Variants in WDR18 observed in about 807,000 individuals in gnomAD.
WDR18 encodes WD repeat-containing protein 18.
WDR18 carries 33 observed loss-of-function variants against 49.6 expected under a neutral mutation model. That is an observed-to-expected ratio of 0.67 (90% CI 0.50 to 0.89). WDR18 has a LOEUF of 0.89. Among genes scored for constraint, WDR18 ranks in the 40% least tolerant of loss-of-function variants. The pLI is 0.00. For missense variants in WDR18, 653 were observed against 593.6 expected, an observed-to-expected ratio of 1.10 and a Z score of -1.04; for synonymous variants, 315 against 263.6, an observed-to-expected ratio of 1.19 and a Z score of -1.89.
chr19:988,596 C>T (rs975412161), intron 2 of WDR18, among the ~76,000 whole-genome samples: 1 of 152,226 alleles, frequency 6.6e-6, no homozygotes, highest in South Asian at 2.1e-4. Context: ...CAAAGCACGA[C>T]GCACAGGGAC....
intron 9 of WDR18, 23 bp from the exon 10 acceptor site, chr19:994,190 T>C: frequency 6.3e-7 from 1 of 1,585,282 alleles, no homozygotes. Context: ...ACTTCTGCCC[T>C]CTGACCCCGA....
Position 989,871 on chromosome 19 carries a change from T to G in WDR18, c.431T>G (p.Leu144Arg). ...TTCATCTCAGGGGGCAAGGACTGCC[T>G]GGTGCTGGTTTGGAGCCTCTGCAGG... Reference protein sequence around the residue: ...SHFISGGKDCLVLVWSLCSVL... With the variant: ...SHFISGGKDCRVLVWSLCSVL... Residue 144 changes from leucine (L) to arginine (R), a missense_variant, in exon 3 of 10, where the codon CTG becomes CGG. Leu to Arg is a moderately radical substitution (Grantham distance 102). Coordinates refer to ENST00000585809, the MANE Select transcript of WDR18 (RefSeq NM_024100.4). 1 of 1,611,504 alleles carries G rather than the reference T, an allele frequency of 6.2e-7. No homozygotes were observed. The highest frequency in any genetic ancestry group is 8.5e-7 in the Non-Finnish European group (1 of 1,179,186).
chr19:989,930 C>T, intron 3 of WDR18, 35 bp downstream of exon 3: 1 of 1,563,718 alleles, frequency 6.4e-7, no homozygotes, highest in Non-Finnish European at 8.6e-7. Flanking sequence ...GCACCTGGAA[C>T]TGCACCCGGG....
At chr19:984,723 T>G (rs1435251338) in intron 1 of WDR18, among the ~76,000 whole-genome samples, 160 bp downstream of exon 1, 4 of 137,034 alleles carry the variant, frequency 2.9e-5, no homozygotes, top group Non-Finnish European at 6.1e-5. Flanking sequence ...CTGGGGGCTT[T>G]GGGGAGATAC....
In WDR18 at chr19:992,171, C is replaced by T. The variant is rs562510648; in HGVS notation, c.1098+50C>T. 6 of 1,398,304 alleles carry T rather than the reference C, an allele frequency of 4.3e-6. No individual in the cohort carries two copies. In the African/African-American group the frequency reaches 4.6e-5, roughly 11 times the overall value. 86.6% of individuals were successfully genotyped at this position (1,398,304 alleles called of 1,614,324 possible). A position where few individuals can be genotyped will look rare whatever the true frequency, so the allele number is the denominator to read the frequency against. On this transcript the variant is annotated intron_variant, in intron 8 of 9. Transcript: ENST00000585809. ...CACTGCCCTTTTGTCCCGGAAGACC[C>T]CGCGGGCCCTGGGCTCCTTCGCTCC... is the stretch of plus-strand genomic sequence containing the variant.
At chr19:994,114 G>T in intron 9 of WDR18, 26 bp downstream of exon 9, 1 of 1,550,530 alleles carries the variant, frequency 6.4e-7, no homozygotes. Context: ...GGAGGGGCGG[G>T]GCCTGAGGCT....
At chr19:989,547 A>C (rs1396074841) in intron 2 of WDR18, among the ~76,000 whole-genome samples, 2 of 152,098 alleles carry the variant, frequency 1.3e-5, no homozygotes, top group African/African-American at 2.4e-5. Context: ...CGAGGCGGGA[A>C]CAGGTGCCCA....
intron 8 of WDR18, among the ~76,000 whole-genome samples, chr19:992,680 G>A (rs537516296): frequency 1.6e-4 from 25 of 152,312 alleles, no homozygotes; most frequent in Non-Finnish European, 2.8e-4. Context: ...GTGACTTCCG[G>A]AACACTTCCC....
rs942430341 is a variant in WDR18 at position 992,299 on chromosome 19, A to C, written c.1098+178A>C. ...CTCGGTGGGGCCTCTGCCCACTCTCAGTATGGACCCAGAGGCTCTGAGAAG... is the reference window on the plus strand; with the variant it reads ...CTCGGTGGGGCCTCTGCCCACTCTCCGTATGGACCCAGAGGCTCTGAGAAG... On this transcript the variant is annotated intron_variant, in intron 8 of 9. Coordinates refer to ENST00000585809, the MANE Select transcript of WDR18 (RefSeq NM_024100.4). Among the ~76,000 whole-genome samples, 8 of 152,174 alleles carry C rather than the reference A, an allele frequency of 5.3e-5. No individual in the cohort carries two copies. In the East Asian group the frequency reaches 1.3e-3, roughly 26 times the overall value.
At chr19:990,096 T>C in intron 3 of WDR18, 127 bp from the exon 4 acceptor site, 1 of 1,390,836 alleles carries the variant, frequency 7.2e-7, no homozygotes, top group Non-Finnish European at 9.5e-7. Context: ...AGCCTTGAGT[T>C]TACTCAGGTG....
In WDR18 at chr19:990,998, G is replaced by A. The variant is rs1361047741; in HGVS notation, c.741+3G>A. On this transcript the variant is annotated splice_donor_region_variant and intron_variant, in intron 5 of 9. Transcript: ENST00000585809. ...TCCAGGTCGACCTCTTCACCTGGGT[G>A]AGTGCCGCGGTCTGCGGGCTGCACC... 1.2e-6 allele frequency: 2 copies of A among 1,605,868 alleles called. No homozygotes were observed. The highest frequency in any genetic ancestry group is 2.2e-5 in the South Asian group (2 of 90,042).
At chr19:984,673 G>C (rs983291676) in intron 1 of WDR18, 110 bp downstream of exon 1, 11 of 1,163,526 alleles carry the variant, frequency 9.5e-6, no homozygotes, top group South Asian at 3.7e-5. Context: ...CGTGGGGAGG[G>C]GAGGTGGTCT....
intron 2 of WDR18, 62 bp downstream of exon 2, chr19:986,037 G>A: frequency 6.6e-7 from 1 of 1,525,370 alleles, no homozygotes; most frequent in Non-Finnish European, 9.1e-7. Flanking sequence ...AGCTTTGCCT[G>A]CAGGGCACCA....
rs1377576423 is a variant in WDR18 at position 991,969 on chromosome 19, G to GC, written c.948dup (p.Ala317ArgfsTer182). The GC allele has an allele frequency of 5.0e-6, 8 of 1,590,934 alleles. No homozygotes were observed. Among genetic ancestry groups the GC allele is most frequent in the Non-Finnish European group, 8.5e-7 (1 of 1,174,046 alleles). On this transcript the variant is annotated frameshift_variant, in exon 8 of 10. Transcript: ENST00000585809. LOFTEE classifies it high-confidence loss of function. ...GCGCCCCCCAGGCCCAGTCACCAAT[G>GC]CCGCCATCCTGCTGGCGCCCGTCAG...
rs1263403341 is a variant in WDR18 at position 991,124 on chromosome 19, G to A, written c.785G>A (p.Gly262Glu). The A allele has an allele frequency of 3.2e-6, 5 of 1,582,392 alleles. No individual in the cohort carries two copies. Among genetic ancestry groups the A allele is most frequent in the African/African-American group, 1.3e-5 (1 of 74,160 alleles). Residue 262 changes from glycine (G) to glutamate (E), a missense_variant, in exon 6 of 10, where the codon GGG becomes GAG. By Grantham distance (98) the Gly-to-Glu change is moderately conservative. Coordinates refer to ENST00000585809, the MANE Select transcript of WDR18 (RefSeq NM_024100.4). ...ERSFHPEQDA[G>E]KVFKGHRNQV... Reference sequence around the variant, plus strand: ...AGCTTCCACCCAGAGCAGGACGCCGGGAAGGTCTTCAAAGGGCACAGGTGG... The same window carrying A: ...AGCTTCCACCCAGAGCAGGACGCCGAGAAGGTCTTCAAAGGGCACAGGTGG...
In WDR18 at chr19:994,370, C is replaced by T. The variant is rs1270784268; in HGVS notation, c.*26C>T. 5 of 1,590,150 alleles carry T rather than the reference C, an allele frequency of 3.1e-6. No homozygotes were observed. In the Admixed American group the frequency reaches 5.2e-5, roughly 17 times the overall value. On this transcript the variant is annotated 3_prime_UTR_variant, in exon 10 of 10. Coordinates refer to ENST00000585809, the MANE Select transcript of WDR18 (RefSeq NM_024100.4). ...GGCCCGGAGACCCCGGCCCGAGGCG[C>T]CCAGGCCTGAGCCCCATGCCTCCCA...
intron 2 of WDR18, among the ~76,000 whole-genome samples, chr19:987,829 G>GTTTTTTTGTTTTTTTTTT (rs2038490628): frequency 1.1e-5 from 1 of 91,822 alleles, no homozygotes; most frequent in African/African-American, 5.3e-5. Flanking sequence ...GCCGCCTCCA[G>GTTTTTTTGTTTTTTTTTT]TTTTTTTTTT....
upstream of WDR18, among the ~76,000 whole-genome samples, chr19:983,564 T>C (rs1442971543): frequency 6.7e-6 from 1 of 149,742 alleles, no homozygotes; most frequent in East Asian, 2.0e-4. Context: ...GCCCGGCCTT[T>C]TTTTTTTTTT....
chr19:991,361 C>T lies in WDR18; in HGVS notation c.931+10C>T, dbSNP rs190264646. 6 of 1,545,804 alleles carry T rather than the reference C, an allele frequency of 3.9e-6. No individual in the cohort carries two copies. The highest frequency in any genetic ancestry group is 4.9e-5 in the East Asian group (2 of 40,840). On this transcript the variant is annotated intron_variant, in intron 7 of 9. Transcript: ENST00000585809. ...ACGGTGGCCCTCAAAGGTGGGCGCG[C>T]CTCTGCTCGGCCCGCGGCCAGCGCG...
Sources: gnomAD v4.1 joint callset for allele counts (sites outside exome capture counted in the v4.1 genomes callset) on GRCh38, gnomAD v4.1.1 for gene constraint, MANE v1.5 for transcripts, NCBI Gene and HGNC (gene_info 2026-07-23, HGNC 2026-07-21) for gene names.